CADPS2: variants seen among roughly 807,000 people sequenced by gnomAD.
CADPS2 encodes calcium dependent secretion activator 2, also known as calcium-dependent secretion activator 2.
CADPS2 carries 93 observed loss-of-function variants against 172.5 expected under a neutral mutation model. The ratio of observed to expected loss-of-function variants is 0.54; its 90% CI spans 0.46 to 0.64. The LOEUF (loss-of-function observed/expected upper bound fraction) is 0.64, where lower values mean the gene tolerates loss of function less well. Ranked by LOEUF, CADPS2 falls within the 30% of genes least tolerant of loss-of-function variation. CADPS2 has a pLI of 0.00. For missense variants in CADPS2, 1,420 were observed against 1,565.9 expected, an observed-to-expected ratio of 0.91 and a Z score of 1.57; for synonymous variants, 546 against 555.2, an observed-to-expected ratio of 0.98 and a Z score of 0.23.
chr7:122,372,515 T>C (rs1457714584), intron 25 of CADPS2, among the ~76,000 whole-genome samples: 4 of 152,120 alleles, frequency 2.6e-5, no homozygotes, highest in South Asian at 2.1e-4. Flanking sequence ...TGTGGAAATA[T>C]GTGAGGTAAG....
intron 2 of CADPS2, chr7:122,701,541 G>A (rs1213958930): frequency 5.7e-6 from 1 of 174,672 alleles, no homozygotes; most frequent in Non-Finnish European, 1.2e-5. Context: ...GTATACATAT[G>A]TAACTAACCT....
chr7:122,355,247 T>C (rs1016283515), intron 27 of CADPS2, among the ~76,000 whole-genome samples: 1 of 152,176 alleles, frequency 6.6e-6, no homozygotes, highest in Non-Finnish European at 1.5e-5. Context: ...TTAACTTCAG[T>C]TGTAATTTTC....
At chr7:122,391,232 A>G (rs1481496875) in intron 22 of CADPS2, among the ~76,000 whole-genome samples, 1 of 152,072 alleles carries the variant, frequency 6.6e-6, no homozygotes, top group Non-Finnish European at 1.5e-5. Flanking sequence ...ATGGTGATCA[A>G]CTTGTAAAAC....
chr7:122,645,275 A>G (rs563568587), intron 3 of CADPS2, among the ~76,000 whole-genome samples: 71 of 141,354 alleles, frequency 5.0e-4, no homozygotes, highest in African/African-American at 1.6e-3. Context: ...ATGTACATAT[A>G]TACACACATA....
At chr7:122,666,619 G>A (rs947176858) in intron 2 of CADPS2, among the ~76,000 whole-genome samples, 1 of 152,120 alleles carries the variant, frequency 6.6e-6, no homozygotes, top group Non-Finnish European at 1.5e-5. Context: ...TGGGATTACA[G>A]GTATGAGTCA....
At position 122,637,208 on chromosome 7, in the gene CADPS2, T is replaced by TTTCTC. The variant is rs778963218; in HGVS notation, c.787-7881_787-7880insGAGAA. Among the ~76,000 whole-genome samples the TTTCTC allele has an allele frequency of 4.0e-4, 25 of 62,694 alleles. 2 individuals are homozygous for TTTCTC. The highest frequency in any genetic ancestry group is 1.2e-3 in the South Asian group (2 of 1,678). 41.1% of individuals were successfully genotyped at this position (62,694 alleles called of 152,430 possible). A position where few individuals can be genotyped will look rare whatever the true frequency, so the allele number is the denominator to read the frequency against. On this transcript the variant is annotated intron_variant, in intron 3 of 29. Coordinates refer to ENST00000449022, the MANE Select transcript of CADPS2 (RefSeq NM_017954.11). ...TTTTTTTTTTTTTTTTTTTTTTTTT[T>TTTCTC]CCTGAGACAGGGTCTCACTCTGTGG...
intron 27 of CADPS2, among the ~76,000 whole-genome samples, chr7:122,351,665 T>A (rs149913138): frequency 6.6e-6 from 1 of 152,036 alleles, no homozygotes. Context: ...ACTGCAGAGT[T>A]CTTGTCCTGG....
intron 1 of CADPS2, among the ~76,000 whole-genome samples, chr7:122,743,749 C>A (rs1002672047): frequency 3.9e-5 from 6 of 152,144 alleles, no homozygotes; most frequent in African/African-American, 1.4e-4. Context: ...AATAGGAAAA[C>A]GCTAAAGGAT....
chr7:122,438,194 C>T, intron 17 of CADPS2, 147 bp downstream of exon 17: 1 of 960,908 alleles, frequency 1.0e-6, no homozygotes, highest in Non-Finnish European at 1.5e-6. Context: ...AAAAGCTCTT[C>T]AGTTCACCAG....
intron 2 of CADPS2, among the ~76,000 whole-genome samples, chr7:122,668,342 G>A (rs1164410998): frequency 6.6e-6 from 1 of 151,560 alleles, no homozygotes; most frequent in Admixed American, 6.6e-5. Context: ...TGAATGTTGG[G>A]AGAGTCATGG....
intron 7 of CADPS2, among the ~76,000 whole-genome samples, chr7:122,569,193 C>A (rs1208011180): frequency 1.3e-5 from 2 of 152,154 alleles, no homozygotes; most frequent in Non-Finnish European, 2.9e-5. Context: ...TCTCAGGATA[C>A]AAAATCAATG....
intron 14 of CADPS2, 106 bp from the exon 15 acceptor site, chr7:122,451,581 A>AC: frequency 1.8e-6 from 1 of 568,460 alleles, no homozygotes; most frequent in Non-Finnish European, 2.9e-6. Context: ...CACTGTATAC[A>AC]TATTAATTGT....
At chr7:122,710,724 A>T (rs2088565769) in intron 2 of CADPS2, among the ~76,000 whole-genome samples, 1 of 151,926 alleles carries the variant, frequency 6.6e-6, no homozygotes. Flanking sequence ...CCCATTTGTG[A>T]TCTCCCTAGC....
chr7:122,540,573 A>G (rs2062807512), intron 8 of CADPS2, among the ~76,000 whole-genome samples: 1 of 152,118 alleles, frequency 6.6e-6, no homozygotes, highest in South Asian at 2.1e-4. Flanking sequence ...TTAATTAGTA[A>G]TGTATCTCCT....
chr7:122,699,437 C>A (rs931181907), intron 2 of CADPS2, among the ~76,000 whole-genome samples: 2 of 151,792 alleles, frequency 1.3e-5, no homozygotes, highest in Non-Finnish European at 2.9e-5. Flanking sequence ...AACAAAATGG[C>A]AAGCTAAAAA....
chr7:122,390,139 G>A (rs1344689504), intron 22 of CADPS2, among the ~76,000 whole-genome samples: 1 of 151,724 alleles, frequency 6.6e-6, no homozygotes, highest in Non-Finnish European at 1.5e-5. Flanking sequence ...GTTCTCTAGG[G>A]ACCAATCATA....
chr7:122,777,941 T>A (rs978887366), intron 1 of CADPS2, among the ~76,000 whole-genome samples: 1 of 152,098 alleles, frequency 6.6e-6, no homozygotes, highest in Non-Finnish European at 1.5e-5. Flanking sequence ...AATGTGAACT[T>A]GACTTTGGAA....
rs562718999 is a variant in CADPS2, at chr7:122,772,317, T to C, written c.340-35249A>G. Among the ~76,000 whole-genome samples the C allele has an allele frequency of 9.2e-5, 14 of 152,338 alleles. No homozygotes were observed. In the South Asian group the frequency reaches 2.9e-3, roughly 32 times the overall value. ...TCATAGTAAAAATGTGATTAACATA[T>C]CACTTCAATAGTCCAAACATTTTGA... On this transcript the variant is annotated intron_variant, in intron 1 of 29. Coordinates refer to ENST00000449022, the MANE Select transcript of CADPS2 (RefSeq NM_017954.11).
At chr7:122,796,365 A>T in intron 1 of CADPS2, among the ~76,000 whole-genome samples, 1 of 152,210 alleles carries the variant, frequency 6.6e-6, no homozygotes, top group East Asian at 1.9e-4. Context: ...CTATTTTAAA[A>T]TTCATATGGA....
Sources: gnomAD v4.1 joint callset for allele counts (sites outside exome capture counted in the v4.1 genomes callset) on GRCh38, gnomAD v4.1.1 for gene constraint, MANE v1.5 for transcripts, NCBI Gene and HGNC (gene_info 2026-07-23, HGNC 2026-07-21) for gene names.